C1QTNF3: variants seen among roughly 807,000 people sequenced by gnomAD.
C1QTNF3 encodes the protein C1q and TNF related 3.
In C1QTNF3, 26 loss-of-function variants were observed where a neutral mutation model predicts 32.6. The ratio of observed to expected loss-of-function variants is 0.80; its 90% CI spans 0.58 to 1.11. The LOEUF is 1.11. Among genes scored for constraint, C1QTNF3 ranks in the 50% least tolerant of loss-of-function variants. The pLI, the probability that C1QTNF3 is intolerant of heterozygous loss-of-function variation, is 0.00. For missense variants in C1QTNF3, 362 were observed against 398.2 expected (o/e 0.91, Z 0.77); for synonymous variants, 155 against 146.0 (o/e 1.06, Z -0.44).
At chr5:34,031,088 A>G (rs990811415) in intron 3 of C1QTNF3, among the ~76,000 whole-genome samples, 1 of 152,194 alleles carries the variant, frequency 6.6e-6, no homozygotes, top group East Asian at 1.9e-4. Context: ...TTAGAATAAA[A>G]GTTAAAAAAA....
At chr5:34,048,013 G>T (rs1579616194), upstream of C1QTNF3, among the ~76,000 whole-genome samples, 1 of 152,080 alleles carries the variant, frequency 6.6e-6, no homozygotes, top group Admixed American at 6.6e-5. Flanking sequence ...CATGTTTAGG[G>T]TCATTATTCA....
chr5:34,197,749 T>C, the C1QTNF3 span, among the ~76,000 whole-genome samples: 71,092 of 151,174 alleles, frequency 0.47, 19,470 homozygotes, highest in African/African-American at 0.76. Flanking sequence ...ACTGTCGCTA[T>C]AGAATACCAT....
chr5:34,059,793 T>C, the C1QTNF3 span, among the ~76,000 whole-genome samples: 1 of 152,126 alleles, frequency 6.6e-6, no homozygotes, highest in Non-Finnish European at 1.5e-5. Context: ...AACATATAAA[T>C]TGGGGTGGAG....
At chr5:34,222,510 G>A in the C1QTNF3 span, among the ~76,000 whole-genome samples, 1 of 151,694 alleles carries the variant, frequency 6.6e-6, no homozygotes, top group African/African-American at 2.4e-5. Context: ...AAAATATCCT[G>A]CACTGATCAT....
At chr5:34,091,716 A>G in the C1QTNF3 span, among the ~76,000 whole-genome samples, 2 of 152,122 alleles carry the variant, frequency 1.3e-5, no homozygotes, top group East Asian at 3.8e-4. Flanking sequence ...GCCTTATAAT[A>G]TTTTCTAGCA....
At chr5:34,038,813 G>A (rs887046276) in intron 1 of C1QTNF3, among the ~76,000 whole-genome samples, 6 of 152,010 alleles carry the variant, frequency 3.9e-5, no homozygotes, top group African/African-American at 1.5e-4. Context: ...TACTGTTACA[G>A]TAGGTAGCTA....
the C1QTNF3 span, among the ~76,000 whole-genome samples, chr5:34,104,909 T>A: frequency 6.6e-6 from 1 of 152,086 alleles, no homozygotes; most frequent in Non-Finnish European, 1.5e-5. Context: ...GCAGGTATAT[T>A]CCTATAGGCT....
At chr5:34,114,193 A>AC in the C1QTNF3 span, among the ~76,000 whole-genome samples, 1 of 152,202 alleles carries the variant, frequency 6.6e-6, no homozygotes, top group Non-Finnish European at 1.5e-5. Flanking sequence ...GTTACACTGT[A>AC]CCGTCTGCTT....
chr5:34,084,804 T>G, the C1QTNF3 span, among the ~76,000 whole-genome samples: 3 of 118,648 alleles, frequency 2.5e-5, no homozygotes, highest in Admixed American at 1.5e-4. Context: ...TTTTTTGTTT[T>G]TTTTGTTTTT....
the C1QTNF3 span, among the ~76,000 whole-genome samples, chr5:34,172,077 T>G: frequency 6.6e-6 from 1 of 152,176 alleles, no homozygotes; most frequent in Non-Finnish European, 1.5e-5. Context: ...TCCAAAAGAA[T>G]GCCATTATGA....
At chr5:34,102,023 CATGAACAT>C in the C1QTNF3 span, among the ~76,000 whole-genome samples, 722 of 148,220 alleles carry the variant, frequency 4.9e-3, 9 homozygotes, top group African/African-American at 0.017. Flanking sequence ...ATTGGTCTGT[CATGAACAT>C]GGTCAATGAG....
the C1QTNF3 span, among the ~76,000 whole-genome samples, chr5:34,140,614 T>C: frequency 6.6e-6 from 1 of 152,212 alleles, no homozygotes; most frequent in African/African-American, 2.4e-5. Flanking sequence ...TGGATAACTT[T>C]ATTTGGTGTT....
intron 1 of C1QTNF3, 101 bp downstream of exon 1, chr5:34,042,721 AT>A: frequency 8.3e-7 from 1 of 1,207,228 alleles, no homozygotes; most frequent in South Asian, 1.5e-5. Flanking sequence ...GAAAGCATTC[AT>A]TGATTCTAAG....
intron 4 of C1QTNF3, among the ~76,000 whole-genome samples, chr5:34,026,729 T>C (rs1193621178): frequency 6.6e-6 from 1 of 152,118 alleles, no homozygotes; most frequent in Non-Finnish European, 1.5e-5. Context: ...AGCATACGGC[T>C]GGTCTAGGAA....
chr5:34,088,670 CT>C, the C1QTNF3 span, among the ~76,000 whole-genome samples: 1 of 151,944 alleles, frequency 6.6e-6, no homozygotes, highest in East Asian at 1.9e-4. Context: ...TGCTTTTTTG[CT>C]TTTTTTGTTT....
chr5:34,116,912 A>G, the C1QTNF3 span, among the ~76,000 whole-genome samples: 1 of 152,052 alleles, frequency 6.6e-6, no homozygotes, highest in Non-Finnish European at 1.5e-5. Context: ...CAACATTTTT[A>G]AAGTTTCACT....
chr5:34,169,614 T>C, the C1QTNF3 span, among the ~76,000 whole-genome samples: 2 of 152,166 alleles, frequency 1.3e-5, no homozygotes, highest in Non-Finnish European at 2.9e-5. Context: ...GTTTGCTTGG[T>C]TTTTGTTTTT....
the C1QTNF3 span, among the ~76,000 whole-genome samples, chr5:34,103,908 G>A: frequency 3.0e-3 from 461 of 151,614 alleles, 2 homozygotes; most frequent in African/African-American, 0.011. Flanking sequence ...TAGAGATTAC[G>A]TTATTTGTTA....
In C1QTNF3 at chr5:34,018,247, A is replaced by G. The variant is rs1046614443; in HGVS notation, c.*2336T>C. ...ATTTTCTATAGTGAGTTTTTTAAATAAAAATATATATATTTAAATATAACA... is the reference window on the plus strand; with the variant it reads ...ATTTTCTATAGTGAGTTTTTTAAATGAAAATATATATATTTAAATATAACA... On this transcript the variant is annotated 3_prime_UTR_variant, in exon 6 of 6. Coordinates refer to ENST00000382065, the MANE Select transcript of C1QTNF3 (RefSeq NM_181435.6). Among the ~76,000 whole-genome samples, 1 of 151,966 alleles carries G rather than the reference A, an allele frequency of 6.6e-6. No individual in the cohort carries two copies. The highest frequency in any genetic ancestry group is 2.4e-5 in the African/African-American group (1 of 41,448).
Sources: gnomAD v4.1 joint callset for allele counts (sites outside exome capture counted in the v4.1 genomes callset) on GRCh38, gnomAD v4.1.1 for gene constraint, MANE v1.5 for transcripts, NCBI Gene and HGNC (gene_info 2026-07-23, HGNC 2026-07-21) for gene names.